Variants in PAX8 observed in about 807,000 individuals in gnomAD.
PAX8 encodes paired box 8, also known as paired box protein Pax-8.
Under a neutral mutation model 52.4 loss-of-function variants are expected in PAX8, and 15 were observed. That is an observed-to-expected ratio of 0.29 (90% CI 0.19 to 0.44). PAX8 has a LOEUF of 0.44. Among genes scored for constraint, PAX8 ranks in the 20% least tolerant of loss-of-function variants. PAX8 has a pLI of 1.00. For missense variants in PAX8, 554 were observed against 602.5 expected (o/e 0.92, Z 0.84); for synonymous variants, 284 against 249.7 (o/e 1.14, Z -1.29).
intron 9 of PAX8, among the ~76,000 whole-genome samples, chr2:113,234,142 G>T (rs1690094897): frequency 6.6e-6 from 1 of 152,218 alleles, no homozygotes; most frequent in Non-Finnish European, 1.5e-5. Context: ...TCCTTCCCTG[G>T]TCCTGGGCCC....
Position 113,244,450 on chromosome 2 carries a change from C to G in PAX8, c.366G>C (p.Val122=), listed in dbSNP as rs1266058408. Residue 122 remains valine, a synonymous_variant, in exon 4 of 12, where the codon GTG becomes GTC. Coordinates refer to ENST00000429538, the MANE Select transcript of PAX8 (RefSeq NM_003466.4). ...LAEGVCDNDT[V]PSVSSINRII... Reference sequence around the variant, plus strand: ...ACCTATTAATGGAGCTGACACTGGGCACAGTGTCATTGTCACAGACGCCCT... The same window carrying G: ...ACCTATTAATGGAGCTGACACTGGGGACAGTGTCATTGTCACAGACGCCCT... 1.9e-6 allele frequency: 3 copies of G among 1,613,888 alleles called. No individual in the cohort carries two copies. Among genetic ancestry groups the G allele is most frequent in the Non-Finnish European group, 2.5e-6 (3 of 1,179,926 alleles).
Position 113,278,470 on chromosome 2 carries a change from C to T in PAX8, c.-75-1G>A. The T allele has an allele frequency of 6.2e-7, 1 of 1,600,432 alleles. No homozygotes were observed. Among genetic ancestry groups the T allele is most frequent in the East Asian group, 2.2e-5 (1 of 44,608 alleles). On this transcript the variant is annotated splice_acceptor_variant, in intron 1 of 11. Coordinates refer to ENST00000429538, the MANE Select transcript of PAX8 (RefSeq NM_003466.4). LOFTEE classifies it low-confidence loss of function (5UTR_SPLICE). ...GGTCCGGGCCGCGCCTGCCGCTGCC[C>T]TGCACAAACCCAGGAGAAGGGCATG...
chr2:113,276,628 A>G (rs1693831234), intron 2 of PAX8: 1 of 150,456 alleles, frequency 6.6e-6, no homozygotes, highest in Non-Finnish European at 1.5e-5. Context: ...ATCTATTCTA[A>G]CGAGTACTTC....
chr2:113,234,539 G>C (rs1348503893), intron 9 of PAX8, among the ~76,000 whole-genome samples: 1 of 151,700 alleles, frequency 6.6e-6, no homozygotes, highest in Non-Finnish European at 1.5e-5. Context: ...TTTCTTTTTT[G>C]AGATGGAGTC....
Position 113,253,313 on chromosome 2 carries a change from A to G in PAX8, c.26-6394T>C, listed in dbSNP as rs527241480. Among the ~76,000 whole-genome samples, 84 of 152,210 alleles carry G rather than the reference A, an allele frequency of 5.5e-4. 1 individual carries two copies. Among genetic ancestry groups the G allele is most frequent in the African/African-American group, 1.9e-3 (80 of 41,524 alleles). ...TGTCATACCTACTACCCATCTCATGATGGCATCATGGGCATCCCAGGTAAC... is the reference window on the plus strand; with the variant it reads ...TGTCATACCTACTACCCATCTCATGGTGGCATCATGGGCATCCCAGGTAAC... On this transcript the variant is annotated intron_variant, in intron 2 of 11. Transcript: ENST00000429538.
intron 2 of PAX8, among the ~76,000 whole-genome samples, chr2:113,262,054 TC>T (rs1172768477): frequency 6.6e-6 from 1 of 152,178 alleles, no homozygotes; most frequent in African/African-American, 2.4e-5. Flanking sequence ...AGTCTCGAAC[TC>T]CCAACCTCAG....
intron 2 of PAX8, among the ~76,000 whole-genome samples, chr2:113,264,037 T>C (rs1692882330): frequency 6.6e-6 from 1 of 152,216 alleles, no homozygotes. Context: ...ATGTGCTAGA[T>C]ATTGTTTGGA....
At chr2:113,247,126 C>G (rs1441912370) in intron 2 of PAX8, among the ~76,000 whole-genome samples, 2 of 152,248 alleles carry the variant, frequency 1.3e-5, no homozygotes, top group Non-Finnish European at 2.9e-5. Context: ...TGCTCATCCC[C>G]CACGATGGGA....
rs756852837 is a variant in PAX8 at position 113,235,612 on chromosome 2, G to T, written c.899-30C>A. The T allele has an allele frequency of 1.8e-5, 29 of 1,572,484 alleles. 1 individual carries two copies. In the East Asian group the frequency reaches 6.3e-4, roughly 34 times the overall value. On this transcript the variant is annotated intron_variant, in intron 8 of 11. Coordinates refer to ENST00000429538, the MANE Select transcript of PAX8 (RefSeq NM_003466.4). Reference sequence around the variant, plus strand: ...CGGAGGGAGGGAGACAACAAGGAGAGAGGGGTGTGAGATGGCGGGGAGGGA... The same window carrying T: ...CGGAGGGAGGGAGACAACAAGGAGATAGGGGTGTGAGATGGCGGGGAGGGA...
At chr2:113,241,955 C>G in intron 6 of PAX8, 53 bp downstream of exon 6, 1 of 1,604,848 alleles carries the variant, frequency 6.2e-7, no homozygotes, top group Admixed American at 1.7e-5. Flanking sequence ...CCATCAAAGC[C>G]TGAGCAAACT....
intron 10 of PAX8, chr2:113,226,281 G>C: frequency 1.0e-6 from 1 of 985,442 alleles, no homozygotes; most frequent in Non-Finnish European, 1.2e-6. Context: ...CTGGCATGGG[G>C]GTCACAGATG....
chr2:113,259,301 A>G (rs1308357482), intron 2 of PAX8: 1 of 152,524 alleles, frequency 6.6e-6, no homozygotes, highest in Non-Finnish European at 1.5e-5. Context: ...GGCTTTGGGT[A>G]TGGCTAATCC....
chr2:113,264,348 A>G (rs1406035033), intron 2 of PAX8, among the ~76,000 whole-genome samples: 1 of 152,244 alleles, frequency 6.6e-6, no homozygotes, highest in Non-Finnish European at 1.5e-5. Flanking sequence ...GGTTCCCTCA[A>G]AGGCTGCATT....
In PAX8 at chr2:113,229,716, G is replaced by C. The variant is rs555617932; in HGVS notation, c.1088-2460C>G. On this transcript the variant is annotated intron_variant, in intron 9 of 11. Transcript: ENST00000429538. ...GAAGCTATACTGAGATAAAATCTGA[G>C]CTTTCTTTGAAGAAGAATACAACAC... Among the ~76,000 whole-genome samples, 3 of 152,330 alleles carry C rather than the reference G, an allele frequency of 2.0e-5. No individual in the cohort carries two copies. The East Asian group carries it at 5.8e-4, about 29-fold the overall frequency.
intron 8 of PAX8, chr2:113,236,228 G>A (rs1228729136): frequency 1.7e-4 from 22 of 127,174 alleles, no homozygotes; most frequent in East Asian, 4.5e-4. Flanking sequence ...GCCGCCTAGG[G>A]CCGGAGGCGC....
Position 113,218,592 on chromosome 2 carries a change from T to C in PAX8, c.1294A>G (p.Ser432Gly). The change falls in exon 12 of 12, where the codon AGT becomes GGT. Residue 432 changes from serine to glycine, a missense_variant. By Grantham distance (56) the Ser-to-Gly change is moderately conservative. Transcript: ENST00000429538. Reference sequence around the variant, plus strand: ...GGTGCACTCGGCCTTGATGTGGAACTGTAATAATATGGGGAACCTGGACAC... The same window carrying C: ...GGTGCACTCGGCCTTGATGTGGAACCGTAATAATATGGGGAACCTGGACAC... ...SSLLSSPYYY[S>G]STSRPSAPPT... 1.3e-6 allele frequency: 2 copies of C among 1,557,704 alleles called. No homozygotes were observed. Among genetic ancestry groups the C allele is most frequent in the African/African-American group, 2.7e-5 (2 of 73,320 alleles).
chr2:113,256,944 T>C (rs1440648097), intron 2 of PAX8, among the ~76,000 whole-genome samples: 4 of 152,102 alleles, frequency 2.6e-5, no homozygotes, highest in Non-Finnish European at 5.9e-5. Context: ...CCACAAATGT[T>C]AGCCATTACC....
intron 4 of PAX8, 95 bp from the exon 5 acceptor site, chr2:113,242,873 G>T: frequency 2.2e-6 from 2 of 895,700 alleles, no homozygotes; most frequent in South Asian, 2.6e-5. Flanking sequence ...ACCCCTTTTG[G>T]GTATCTCCAA....
chr2:113,275,179 A>G (rs1012004073), intron 2 of PAX8: 3 of 152,228 alleles, frequency 2.0e-5, no homozygotes, highest in Non-Finnish European at 4.4e-5. Flanking sequence ...AAAAGTGTCA[A>G]TTAGAAATAA....
Sources: allele counts gnomAD v4.1 joint callset (sites outside exome capture counted in the v4.1 genomes callset), GRCh38; gene constraint gnomAD v4.1.1; transcripts MANE v1.5; gene names NCBI Gene and HGNC (gene_info 2026-07-23, HGNC 2026-07-21).